The following CACNB2 variants were observed in gnomAD, a reference collection of about 807,000 sequenced individuals.
The protein encoded by CACNB2 is calcium voltage-gated channel auxiliary subunit beta 2.
In CACNB2, 42 loss-of-function variants were observed where a neutral mutation model predicts 73.3. The ratio of observed to expected loss-of-function variants is 0.57; its 90% CI spans 0.45 to 0.74. The LOEUF (loss-of-function observed/expected upper bound fraction) is 0.74, where lower values mean the gene tolerates loss of function less well. Ranked by LOEUF, CACNB2 falls within the 30% of genes least tolerant of loss-of-function variation. CACNB2 has a pLI of 0.00. For missense variants in CACNB2, 940 were observed against 853.0 expected (o/e 1.10, Z -1.27); for synonymous variants, 348 against 310.3 (o/e 1.12, Z -1.28).
intron 2 of CACNB2, among the ~76,000 whole-genome samples, chr10:18,375,188 G>A (rs530737939): frequency 1.3e-5 from 2 of 152,238 alleles, no homozygotes; most frequent in South Asian, 2.1e-4. Context: ...CTCAGCCTGA[G>A]CAACAGAGCA....
chr10:18,397,668 T>A (rs1047355379), intron 2 of CACNB2, among the ~76,000 whole-genome samples: 1 of 132,974 alleles, frequency 7.5e-6, no homozygotes, highest in East Asian at 2.1e-4. Flanking sequence ...TGAGCTGAGA[T>A]CATGCCATTG....
intron 3 of CACNB2, among the ~76,000 whole-genome samples, chr10:18,440,487 T>C (rs1266762865): frequency 6.7e-6 from 1 of 149,932 alleles, no homozygotes; most frequent in Non-Finnish European, 1.5e-5. Context: ...TTGGGCAACA[T>C]AGTGTGACCC....
intron 2 of CACNB2, chr10:18,340,902 T>A: frequency 6.2e-7 from 1 of 1,614,156 alleles, no homozygotes. Flanking sequence ...GCTGGAGTGC[T>A]GGGCGCACTT....
chr10:18,496,185 CA>C lies in CACNB2; in HGVS notation c.334-2149del, dbSNP rs57139534. Reference sequence around the variant, plus strand: ...TGGGCATCACAGTGAGACTCAGTCTCAAAAAAAAAAAAAAAAAAAAATTACA... The same window carrying C: ...TGGGCATCACAGTGAGACTCAGTCTCAAAAAAAAAAAAAAAAAAAATTACA... On this transcript the variant is annotated intron_variant, in intron 3 of 13. Transcript: ENST00000324631. 6.6e-3 allele frequency among the ~76,000 whole-genome samples: 558 copies of C among 84,056 alleles called. 4 individuals are homozygous for C. The highest frequency in any genetic ancestry group is 0.024 in the Middle Eastern group (3 of 126). 55.1% of individuals were successfully genotyped at this position (84,056 alleles called of 152,430 possible). A position where few individuals can be genotyped will look rare whatever the true frequency, so the allele number is the denominator to read the frequency against.
intron 2 of CACNB2, among the ~76,000 whole-genome samples, chr10:18,179,589 G>A (rs2033773081): frequency 6.6e-6 from 1 of 150,618 alleles, no homozygotes; most frequent in Admixed American, 6.6e-5. Flanking sequence ...GTAAAGATAA[G>A]CTCAAATCAG....
chr10:18,465,667 G>C (rs1006797015), intron 3 of CACNB2, among the ~76,000 whole-genome samples: 2 of 149,782 alleles, frequency 1.3e-5, no homozygotes, highest in African/African-American at 4.9e-5. Context: ...AGATAAGTAC[G>C]TCATCCAACT....
At chr10:18,442,492 C>CT (rs374050516) in intron 3 of CACNB2, among the ~76,000 whole-genome samples, 4,268 of 151,398 alleles carry the variant, frequency 0.028, 99 homozygotes, top group Non-Finnish European at 0.04. Context: ...ATCGTATTAC[C>CT]TTTTTTTTGT....
Position 18,202,066 on chromosome 10 carries a change from G to T in CACNB2, c.213+51091G>T, listed in dbSNP as rs186437402. 5.1e-4 allele frequency among the ~76,000 whole-genome samples: 78 copies of T among 152,316 alleles called. No homozygotes were observed. In the East Asian group the frequency reaches 0.013, roughly 26 times the overall value. On this transcript the variant is annotated intron_variant, in intron 2 of 13. Coordinates refer to ENST00000324631, the MANE Select transcript of CACNB2 (RefSeq NM_201596.3). ...CTTTCACCAACATTTTACCAGCTCT[G>T]TGTTAATAGACAGTTCCCTATTTTG...
At chr10:18,311,094 CA>C (rs1366207823) in intron 2 of CACNB2, among the ~76,000 whole-genome samples, 2 of 151,996 alleles carry the variant, frequency 1.3e-5, no homozygotes, top group Non-Finnish European at 2.9e-5. Flanking sequence ...CTGAAGATAC[CA>C]ATTTGGATTT....
At chr10:18,453,262 C>G (rs1163623179) in intron 3 of CACNB2, among the ~76,000 whole-genome samples, 9 of 152,240 alleles carry the variant, frequency 5.9e-5, no homozygotes, top group Admixed American at 5.9e-4. Flanking sequence ...TACCTAAAAA[C>G]CTATTGTGAC....
At chr10:18,535,530 T>C (rs1003765765) in intron 11 of CACNB2, among the ~76,000 whole-genome samples, 2 of 152,124 alleles carry the variant, frequency 1.3e-5, no homozygotes, top group Non-Finnish European at 1.5e-5. Context: ...CCCAGCACTC[T>C]ACTAGGCTGA....
At chr10:18,438,766 T>C (rs1055175952) in intron 3 of CACNB2, among the ~76,000 whole-genome samples, 12 of 152,272 alleles carry the variant, frequency 7.9e-5, no homozygotes, top group African/African-American at 2.9e-4. Context: ...CTGGGCCTTA[T>C]GGAGTATACG....
chr10:18,517,660 C>T (rs2051414588), intron 7 of CACNB2, among the ~76,000 whole-genome samples: 1 of 152,064 alleles, frequency 6.6e-6, no homozygotes, highest in Non-Finnish European at 1.5e-5. Context: ...TTTGAAGTAC[C>T]AAGGTATAGA....
chr10:18,499,617 GAAAAAAAA>G (rs59492615), intron 4 of CACNB2, among the ~76,000 whole-genome samples: 58 of 99,648 alleles, frequency 5.8e-4, no homozygotes, highest in Middle Eastern at 0.012. Flanking sequence ...CTGTCTCAAA[GAAAAAAAA>G]AAAAAAAAAA....
At chr10:18,441,358 T>A (rs1028537313) in intron 3 of CACNB2, among the ~76,000 whole-genome samples, 2 of 152,170 alleles carry the variant, frequency 1.3e-5, no homozygotes, top group African/African-American at 4.8e-5. Context: ...TGAGCTGATA[T>A]CGCGTCACTG....
intron 2 of CACNB2, among the ~76,000 whole-genome samples, chr10:18,304,975 A>G (rs2039672567): frequency 6.6e-6 from 1 of 152,252 alleles, no homozygotes; most frequent in African/African-American, 2.4e-5. Flanking sequence ...CAACTTTGAG[A>G]AATAGAAGTT....
intron 13 of CACNB2, 36 bp from the exon 14 acceptor site, chr10:18,539,194 C>T (rs769526511): frequency 6.2e-7 from 1 of 1,613,588 alleles, no homozygotes; most frequent in South Asian, 1.1e-5. Context: ...ACACACTGAC[C>T]TTGGTTAACG....
intron 2 of CACNB2, among the ~76,000 whole-genome samples, chr10:18,155,211 C>A (rs922540794): frequency 6.6e-6 from 1 of 152,194 alleles, no homozygotes; most frequent in Non-Finnish European, 1.5e-5. Context: ...ATCATATTCC[C>A]TCTTTCCTCA....
intron 3 of CACNB2, among the ~76,000 whole-genome samples, chr10:18,478,898 G>A (rs1301050036): frequency 6.6e-6 from 1 of 152,092 alleles, no homozygotes; most frequent in African/African-American, 2.4e-5. Context: ...TGCTGTGGGA[G>A]GGATGTGGGG....
Sources: gnomAD v4.1 joint callset for allele counts (sites outside exome capture counted in the v4.1 genomes callset) on GRCh38, gnomAD v4.1.1 for gene constraint, MANE v1.5 for transcripts, NCBI Gene and HGNC (gene_info 2026-07-23, HGNC 2026-07-21) for gene names.